ERAP1: variants seen among roughly 807,000 people sequenced by gnomAD.
ERAP1 encodes adipocyte-derived leucine aminopeptidase.
Under a neutral mutation model 103.7 loss-of-function variants are expected in ERAP1, and 86 were observed. The ratio of observed to expected loss-of-function variants is 0.83; its 90% CI spans 0.70 to 0.99. The LOEUF (loss-of-function observed/expected upper bound fraction) is 0.99. ERAP1 is among the 50% of genes least tolerant of loss of function. The pLI is 0.00. For missense variants in ERAP1, 1,009 were observed against 1,128.4 expected (o/e 0.89, Z 1.52); for synonymous variants, 398 against 402.4 (o/e 0.99, Z 0.13).
At chr5:96,771,610 G>C, downstream of ERAP1, 2 of 1,591,592 alleles carry the variant, frequency 1.3e-6, no homozygotes, top group Non-Finnish European at 1.7e-6. Context: ...ATACAGAAAA[G>C]AAAGCTCACG....
rs1483476644 is a variant in ERAP1, at chr5:96,781,738, A to G, written c.2402T>C (p.Ile801Thr). 2.5e-6 allele frequency: 4 copies of G among 1,614,208 alleles called. No homozygotes were observed. Among genetic ancestry groups the G allele is most frequent in the East Asian group, 2.2e-5 (1 of 44,882 alleles). The change falls in exon 16 of 19, where the codon ATT becomes ACT. Residue 801 changes from isoleucine (I) to threonine (T), a missense_variant. Physicochemically the swap from Ile to Thr is moderately conservative, Grantham distance 89. This residue lies in a region of ERAP1 where 611 missense variants were observed against 651.7 expected (regional missense o/e 0.94). Transcript: ENST00000443439. The stretch of plus-strand genomic sequence containing the variant: ...TTGGGTTCTGCAGAGGGCAAATTCA[A>G]TTTGGCTTTTCTCAGTACTGGACAA... ...FSLSSTEKSQ[I>T]EFALCRTQNK...
At chr5:96,764,668 G>A (rs767539557) in intron 19 of ERAP1, among the ~76,000 whole-genome samples, 4 of 152,068 alleles carry the variant, frequency 2.6e-5, no homozygotes, top group East Asian at 1.9e-4. Context: ...CACAAACTGC[G>A]GGTCACGCTG....
At chr5:96,923,498 T>C in the ERAP1 span, among the ~76,000 whole-genome samples, 1 of 152,028 alleles carries the variant, frequency 6.6e-6, no homozygotes, top group Non-Finnish European at 1.5e-5. Context: ...ATCGAGACCA[T>C]CCTGGCTAAC....
chr5:96,806,961 TTTTTGTTTTG>T (rs151195031), intron 1 of ERAP1, among the ~76,000 whole-genome samples: 1 of 95,472 alleles, frequency 1.0e-5, no homozygotes, highest in Non-Finnish European at 2.7e-5. Flanking sequence ...ATTTTCAAGT[TTTTTGTTTTG>T]TTTTGTTTTG....
At chr5:96,886,639 CT>C in the ERAP1 span, 1 of 1,488,230 alleles carries the variant, frequency 6.7e-7, no homozygotes, top group Non-Finnish European at 9.1e-7. Flanking sequence ...CTGATTATTC[CT>C]TTTCCTTTCT....
the ERAP1 span, among the ~76,000 whole-genome samples, chr5:96,928,194 T>G: frequency 2.0e-5 from 3 of 150,258 alleles, no homozygotes; most frequent in African/African-American, 7.6e-5. Flanking sequence ...TGGCTATCTT[T>G]TCATTTCTTG....
At chr5:96,818,561 G>C in the ERAP1 span, among the ~76,000 whole-genome samples, 1 of 86,966 alleles carries the variant, frequency 1.1e-5, no homozygotes, top group African/African-American at 3.4e-5. Context: ...AGCTTGAGAG[G>C]CTTTTTTTGT....
chr5:96,912,200 A>G, the ERAP1 span, among the ~76,000 whole-genome samples: 45 of 143,052 alleles, frequency 3.1e-4, no homozygotes, highest in East Asian at 7.4e-3. Flanking sequence ...AAAAAAAAAA[A>G]AAAAGAAAAG....
At chr5:96,913,435 A>T in the ERAP1 span, 1 of 1,614,124 alleles carries the variant, frequency 6.2e-7, no homozygotes, top group Non-Finnish European at 8.5e-7. Context: ...TGTAAGAGAA[A>T]ATTGGACCCA....
At chr5:96,909,635 A>T in the ERAP1 span, 1 of 1,614,178 alleles carries the variant, frequency 6.2e-7, no homozygotes, top group Non-Finnish European at 8.5e-7. Flanking sequence ...TGGAGTGACA[A>T]GGGCTCAGTC....
upstream of ERAP1, among the ~76,000 whole-genome samples, chr5:96,812,075 A>G (rs183669618): frequency 1.3e-5 from 2 of 152,352 alleles, no homozygotes; most frequent in East Asian, 1.9e-4. Context: ...GAGACTGAAT[A>G]TATGCACTGA....
the ERAP1 span, among the ~76,000 whole-genome samples, chr5:96,834,853 T>A: frequency 6.6e-6 from 1 of 152,356 alleles, no homozygotes; most frequent in South Asian, 2.1e-4. Context: ...TCTATGTAAT[T>A]TTTTGTTACA....
chr5:96,874,136 G>GAA, the ERAP1 span, among the ~76,000 whole-genome samples: 19 of 118,882 alleles, frequency 1.6e-4, no homozygotes, highest in Non-Finnish European at 2.1e-4. Flanking sequence ...GAAAGAGAGA[G>GAA]AGAAAGAAAG....
At chr5:96,765,709 A>G (rs920775289) in intron 19 of ERAP1, among the ~76,000 whole-genome samples, 2 of 152,216 alleles carry the variant, frequency 1.3e-5, no homozygotes, top group Admixed American at 1.3e-4. Flanking sequence ...GTATTAGAAA[A>G]GTGAAACCAT....
At chr5:96,829,447 C>T in the ERAP1 span, among the ~76,000 whole-genome samples, 1 of 152,180 alleles carries the variant, frequency 6.6e-6, no homozygotes. Context: ...ATGAACTAGT[C>T]ATTTCTTAAA....
At chr5:96,922,142 C>CA in the ERAP1 span, among the ~76,000 whole-genome samples, 1 of 150,650 alleles carries the variant, frequency 6.6e-6, no homozygotes, top group Non-Finnish European at 1.5e-5. Flanking sequence ...GCTAAAAATA[C>CA]AAAAAATTAG....
the ERAP1 span, chr5:96,913,246 T>C: frequency 8.3e-7 from 1 of 1,204,476 alleles, no homozygotes; most frequent in East Asian, 2.5e-5. Flanking sequence ...TTTTAATATA[T>C]TGGTGGCTTG....
the ERAP1 span, chr5:96,822,943 C>G: frequency 2.4e-6 from 1 of 419,228 alleles, no homozygotes; most frequent in South Asian, 1.7e-5. Context: ...TCACCTGAGG[C>G]ATGACTGGAG....
Position 96,774,883 on chromosome 5 carries a change from G to C in ERAP1, c.*1513C>G, listed in dbSNP as rs894233891. ...TGTCCAGAAGTCACTCTATTTTGTC[G>C]TGTATTAGGGGAACACATTTTGACA... On this transcript the variant is annotated 3_prime_UTR_variant, in exon 19 of 19. Transcript: ENST00000443439. The C allele has an allele frequency of 1.0e-6, 1 of 984,972 alleles. No individual in the cohort carries two copies. Among genetic ancestry groups the C allele is most frequent in the Non-Finnish European group, 1.2e-6 (1 of 829,738 alleles). 61.0% of individuals were successfully genotyped at this position (984,972 alleles called of 1,614,324 possible).
Sources: gnomAD v4.1 joint callset for allele counts (sites outside exome capture counted in the v4.1 genomes callset) on GRCh38, gnomAD v4.1.1 for gene constraint, gnomAD v4.1.1 regional missense constraint, MANE v1.5 for transcripts, NCBI Gene and HGNC (gene_info 2026-07-23, HGNC 2026-07-21) for gene names.